DLGAP2: variants seen among roughly 807,000 people sequenced by gnomAD.
DLGAP2 encodes DLG associated protein 2.
DLGAP2 carries 26 observed loss-of-function variants against 100.3 expected under a neutral mutation model. The observed-to-expected ratio is 0.26, with a 90% confidence interval of 0.19 to 0.36. DLGAP2 has a LOEUF of 0.36. Among genes scored for constraint, DLGAP2 ranks in the 10% least tolerant of loss-of-function variants. The pLI is 1.00. For missense variants in DLGAP2, 1,858 were observed against 1,453.2 expected (o/e 1.28, Z -4.53); for synonymous variants, 886 against 630.1 (o/e 1.41, Z -6.08).
chr8:1,635,282 T>C (rs2130784552), intron 8 of DLGAP2, among the ~76,000 whole-genome samples: 1 of 152,254 alleles, frequency 6.6e-6, no homozygotes, highest in Non-Finnish European at 1.5e-5. Flanking sequence ...GAAAACAAAA[T>C]TATGGAGGAA....
chr8:787,137 C>A (rs943909594), intron 1 of DLGAP2, among the ~76,000 whole-genome samples: 1 of 152,194 alleles, frequency 6.6e-6, no homozygotes, highest in Non-Finnish European at 1.5e-5. Context: ...AGCAAACCTC[C>A]CTACCCCTCA....
chr8:1,314,585 C>T (rs1388735102), intron 3 of DLGAP2, among the ~76,000 whole-genome samples: 1 of 152,218 alleles, frequency 6.6e-6, no homozygotes, highest in Non-Finnish European at 1.5e-5. Flanking sequence ...TCCTGTGTCA[C>T]CGCCTCTCAG....
chr8:1,572,729 G>A (rs1360851187), intron 6 of DLGAP2, among the ~76,000 whole-genome samples: 2 of 101,186 alleles, frequency 2.0e-5, no homozygotes, highest in Non-Finnish European at 2.0e-5. Context: ...AGAGGAGAGA[G>A]GGTGAACTGT....
rs1451123621 is a variant in DLGAP2, at chr8:1,351,337, A to ACTGT, written c.106+92454_106+92455insCTGT. ...GTGTGGAAAGGCCGTGCGGGTCCTG[A>ACTGT]GTGTGGAACGGCCGTGCGGGTCCTG... On this transcript the variant is annotated intron_variant, in intron 3 of 14. Coordinates refer to ENST00000637795, the MANE Select transcript of DLGAP2 (RefSeq NM_001346810.2). Among the ~76,000 whole-genome samples, 18 of 18,288 alleles carry ACTGT rather than the reference A, an allele frequency of 9.8e-4. 2 individuals carry two copies. Among genetic ancestry groups the ACTGT allele is most frequent in the Non-Finnish European group, 1.3e-3 (12 of 9,434 alleles). 12.0% of individuals were successfully genotyped at this position (18,288 alleles called of 152,430 possible). A position where few individuals can be genotyped will look rare whatever the true frequency, so the allele number is the denominator to read the frequency against.
chr8:986,709 G>C (rs879305470), intron 2 of DLGAP2, among the ~76,000 whole-genome samples: 3 of 149,570 alleles, frequency 2.0e-5, no homozygotes, highest in Non-Finnish European at 4.4e-5. Flanking sequence ...GCCTAGGCTG[G>C]AGTGCAATGA....
chr8:1,189,783 C>A (rs551763811), intron 2 of DLGAP2, among the ~76,000 whole-genome samples: 1 of 152,168 alleles, frequency 6.6e-6, no homozygotes, highest in Non-Finnish European at 1.5e-5. Context: ...CTGCCTGGGC[C>A]ACTTCCATAA....
chr8:1,622,203 G>A (rs1797362571), intron 6 of DLGAP2: 1 of 152,216 alleles, frequency 6.6e-6, no homozygotes, highest in African/African-American at 2.4e-5. Context: ...GAATGCAGTG[G>A]AAGAAACACT....
At chr8:1,315,535 A>C (rs1800718476) in intron 3 of DLGAP2, among the ~76,000 whole-genome samples, 4 of 147,730 alleles carry the variant, frequency 2.7e-5, no homozygotes, top group African/African-American at 1.0e-4. Flanking sequence ...AGTGGTCTAC[A>C]CTCGAGAAAC....
chr8:795,692 G>GAGAGCAGGCGTCCAGTA (rs1796013589), intron 1 of DLGAP2, among the ~76,000 whole-genome samples: 4 of 148,286 alleles, frequency 2.7e-5, no homozygotes, highest in South Asian at 4.4e-4. Context: ...GGCGTCCAGT[G>GAGAGCAGGCGTCCAGTA]AGAGCAGGCG....
At chr8:1,423,791 T>A (rs1234411229) in intron 3 of DLGAP2, among the ~76,000 whole-genome samples, 2 of 152,192 alleles carry the variant, frequency 1.3e-5, no homozygotes, top group Non-Finnish European at 2.9e-5. Flanking sequence ...CCCATGCACT[T>A]GCAAGCTTCT....
intron 6 of DLGAP2, among the ~76,000 whole-genome samples, chr8:1,613,442 A>G (rs1430352465): frequency 2.0e-5 from 3 of 152,054 alleles, no homozygotes; most frequent in African/African-American, 7.2e-5. Context: ...ACCTAAGGCT[A>G]GATGACGAGT....
chr8:1,242,078 A>G (rs185589435), intron 2 of DLGAP2, among the ~76,000 whole-genome samples: 2 of 152,300 alleles, frequency 1.3e-5, no homozygotes, highest in Admixed American at 1.3e-4. Context: ...ACGGGATTTA[A>G]TTTGTTTGTA....
At chr8:825,776 T>G (rs916669713) in intron 1 of DLGAP2, among the ~76,000 whole-genome samples, 4 of 152,234 alleles carry the variant, frequency 2.6e-5, no homozygotes, top group Non-Finnish European at 4.4e-5. Context: ...GGCATGCACT[T>G]CAAAATAATC....
At chr8:777,877 C>G (rs977123355) in intron 1 of DLGAP2, among the ~76,000 whole-genome samples, 1 of 152,098 alleles carries the variant, frequency 6.6e-6, no homozygotes, top group African/African-American at 2.4e-5. Context: ...TCTGTGTTTC[C>G]TGAATCTGAA....
chr8:1,354,349 TA>T (rs770776973), intron 3 of DLGAP2, among the ~76,000 whole-genome samples: 36 of 152,062 alleles, frequency 2.4e-4, no homozygotes, highest in Non-Finnish European at 1.0e-4. Context: ...CTTCTAAAAA[TA>T]CAAAAAATAC....
At chr8:1,592,422 C>T (rs1584965317) in intron 6 of DLGAP2, among the ~76,000 whole-genome samples, 1 of 152,072 alleles carries the variant, frequency 6.6e-6, no homozygotes, top group East Asian at 1.9e-4. Context: ...TGACTTTACC[C>T]CTGTGTTTCT....
intron 2 of DLGAP2, among the ~76,000 whole-genome samples, chr8:1,047,304 T>C (rs953473156): frequency 3.3e-5 from 5 of 152,272 alleles, no homozygotes; most frequent in African/African-American, 9.6e-5. Context: ...TTTTATGATA[T>C]ACAGGTTGAG....
At chr8:1,166,655 C>T (rs369072454) in intron 2 of DLGAP2, among the ~76,000 whole-genome samples, 5 of 152,104 alleles carry the variant, frequency 3.3e-5, no homozygotes, top group Non-Finnish European at 7.4e-5. Flanking sequence ...ATAAGCATGT[C>T]GTCTCTGTTT....
At chr8:746,353 A>G (rs377152202) in intron 1 of DLGAP2, among the ~76,000 whole-genome samples, 11 of 152,260 alleles carry the variant, frequency 7.2e-5, no homozygotes, top group African/African-American at 2.4e-4. Context: ...CTGTGAGGTC[A>G]GTGCTGGCAT....
Sources: gnomAD v4.1 joint callset for allele counts (sites outside exome capture counted in the v4.1 genomes callset) on GRCh38, gnomAD v4.1.1 for gene constraint, MANE v1.5 for transcripts, NCBI Gene and HGNC (gene_info 2026-07-23, HGNC 2026-07-21) for gene names.